The following SOX6 variants were observed in gnomAD, a reference collection of about 807,000 sequenced individuals.
SOX6 encodes transcription factor SOX-6.
Under a neutral mutation model 97.8 loss-of-function variants are expected in SOX6, and 11 were observed. The observed-to-expected ratio is 0.11, with a 90% confidence interval of 0.07 to 0.19. SOX6 has a LOEUF of 0.19. Among genes scored for constraint, SOX6 ranks in the 10% least tolerant of loss-of-function variants. SOX6 has a pLI of 1.00. For missense variants in SOX6, 810 were observed against 1,039.5 expected, an observed-to-expected ratio of 0.78 and a Z score of 3.04; for synonymous variants, 360 against 371.4, an observed-to-expected ratio of 0.97 and a Z score of 0.35.
chr11:16,727,290 C>CTTTTTTTTTTTTT (rs557437543), intron 2 of SOX6, among the ~76,000 whole-genome samples: 2 of 92,978 alleles, frequency 2.2e-5, no homozygotes, highest in Non-Finnish European at 4.1e-5. Flanking sequence ...ATTCACCTTG[C>CTTTTTTTTTTTTT]TTTTTTTTTT....
chr11:16,201,931 C>A (rs1047014466), intron 4 of SOX6, among the ~76,000 whole-genome samples: 1 of 135,332 alleles, frequency 7.4e-6, no homozygotes, highest in East Asian at 4.9e-4. Flanking sequence ...CCGCGCCCGG[C>A]CTGCAAAGTA....
At chr11:16,402,853 T>C in intron 1 of SOX6, 2 of 1,542,248 alleles carry the variant, frequency 1.3e-6, no homozygotes, top group African/African-American at 1.4e-5. Flanking sequence ...TCCCCAATGG[T>C]CTCTCCTAAC....
chr11:16,472,376 C>A (rs1860153484), intron 1 of SOX6, among the ~76,000 whole-genome samples: 1 of 152,162 alleles, frequency 6.6e-6, no homozygotes, highest in African/African-American at 2.4e-5. Flanking sequence ...ACTCAGATTT[C>A]CAGTAGAATA....
intron 3 of SOX6, chr11:16,317,137 C>T (rs964796511): frequency 6.6e-6 from 1 of 151,678 alleles, no homozygotes; most frequent in African/African-American, 2.4e-5. Flanking sequence ...CACAAAAACT[C>T]TTAAGTTTCA....
chr11:16,207,463 C>T (rs1039189599), intron 4 of SOX6, among the ~76,000 whole-genome samples: 4 of 151,728 alleles, frequency 2.6e-5, no homozygotes, highest in African/African-American at 4.8e-5. Flanking sequence ...GGCATGGTGG[C>T]GGGCACCTGT....
In SOX6 at chr11:16,442,524, C is replaced by T. The variant is rs145711005; in HGVS notation, c.-5+33791G>A. On this transcript the variant is annotated intron_variant, in intron 1 of 15. Transcript: ENST00000396356. ...ATATTTTGCATATTAATCTTTTTCTCTTAAATATATAAATACAAATTATTA... is the reference window on the plus strand; with the variant it reads ...ATATTTTGCATATTAATCTTTTTCTTTTAAATATATAAATACAAATTATTA... Among the ~76,000 whole-genome samples the T allele has an allele frequency of 1.6e-3, 241 of 152,066 alleles. 6 individuals carry two copies. The East Asian group carries it at 0.038, about 24-fold the overall frequency.
chr11:16,099,062 C>A (rs1296858184), intron 7 of SOX6, among the ~76,000 whole-genome samples: 1 of 151,760 alleles, frequency 6.6e-6, no homozygotes, highest in Admixed American at 6.6e-5. Context: ...GACCATTGAG[C>A]ACAGTGTGTG....
At chr11:16,540,281 T>C (rs1861384142) in intron 4 of SOX6, among the ~76,000 whole-genome samples, 2 of 152,146 alleles carry the variant, frequency 1.3e-5, no homozygotes, top group Admixed American at 1.3e-4. Flanking sequence ...CCCTTCATGC[T>C]AAAAACTCTC....
At chr11:16,344,305 T>C (rs1478749933) in intron 1 of SOX6, among the ~76,000 whole-genome samples, 1 of 151,950 alleles carries the variant, frequency 6.6e-6, no homozygotes, top group Non-Finnish European at 1.5e-5. Flanking sequence ...TGTGCACAAA[T>C]TGTTTTTAAT....
chr11:16,015,084 T>C (rs1344972081), intron 12 of SOX6, 34 bp from the exon 13 acceptor site: 1 of 1,579,018 alleles, frequency 6.3e-7, no homozygotes, highest in South Asian at 1.1e-5. Flanking sequence ...CTTATTCTAG[T>C]TTCCAAAACA....
chr11:16,661,118 A>G (rs1464150317), intron 3 of SOX6, among the ~76,000 whole-genome samples: 1 of 152,164 alleles, frequency 6.6e-6, no homozygotes, highest in Non-Finnish European at 1.5e-5. Flanking sequence ...ACCTAATGCA[A>G]TTTGACACTT....
intron 6 of SOX6, among the ~76,000 whole-genome samples, chr11:16,183,650 C>CA (rs1275292727): frequency 6.6e-6 from 1 of 151,520 alleles, no homozygotes; most frequent in Non-Finnish European, 1.5e-5. Context: ...AGGCAAAAGG[C>CA]AAAAAGAAAA....
chr11:16,598,180 C>A (rs746353486), intron 4 of SOX6, among the ~76,000 whole-genome samples: 2 of 151,902 alleles, frequency 1.3e-5, no homozygotes, highest in African/African-American at 4.8e-5. Context: ...CAAAACAACC[C>A]TATGATATAG....
chr11:16,458,791 A>C (rs146464563), intron 1 of SOX6, among the ~76,000 whole-genome samples: 1 of 152,184 alleles, frequency 6.6e-6, no homozygotes, highest in Non-Finnish European at 1.5e-5. Flanking sequence ...ATTCCTGAGA[A>C]AGGTAAAACA....
At chr11:16,095,553 A>G (rs1414484522) in intron 9 of SOX6, among the ~76,000 whole-genome samples, 1 of 151,902 alleles carries the variant, frequency 6.6e-6, no homozygotes, top group Non-Finnish European at 1.5e-5. Context: ...CCTTGGTTAA[A>G]TAACTTAACC....
intron 3 of SOX6, among the ~76,000 whole-genome samples, chr11:16,256,523 T>C (rs1853692210): frequency 6.6e-6 from 1 of 151,694 alleles, no homozygotes; most frequent in Admixed American, 6.6e-5. Context: ...AAAAAAGAAC[T>C]CTCAGCAAGC....
At chr11:16,546,737 C>T (rs978638090) in intron 4 of SOX6, among the ~76,000 whole-genome samples, 4 of 151,930 alleles carry the variant, frequency 2.6e-5, no homozygotes, top group Admixed American at 2.0e-4. Flanking sequence ...AAAGCACAGG[C>T]AACAAAAACA....
chr11:16,636,334 T>A (rs1848789270), intron 3 of SOX6, among the ~76,000 whole-genome samples: 1 of 152,214 alleles, frequency 6.6e-6, no homozygotes, highest in Admixed American at 6.5e-5. Flanking sequence ...TCCCACCGGA[T>A]TTCAGACTTG....
At chr11:16,455,001 C>A (rs958073755) in intron 1 of SOX6, among the ~76,000 whole-genome samples, 1 of 151,954 alleles carries the variant, frequency 6.6e-6, no homozygotes, top group Non-Finnish European at 1.5e-5. Context: ...TTTTTACTTA[C>A]GGGTCAAAAG....
Sources: gnomAD v4.1 joint callset for allele counts (sites outside exome capture counted in the v4.1 genomes callset) on GRCh38, gnomAD v4.1.1 for gene constraint, MANE v1.5 for transcripts, NCBI Gene and HGNC (gene_info 2026-07-23, HGNC 2026-07-21) for gene names.